Variants in CDH6 observed in about 807,000 individuals in gnomAD.
CDH6 encodes cadherin 6, also known as cadherin-6.
CDH6 carries 31 observed loss-of-function variants against 78.0 expected under a neutral mutation model. That is an observed-to-expected ratio of 0.40 (90% confidence interval 0.30 to 0.54). CDH6 has a LOEUF of 0.54. Among genes scored for constraint, CDH6 ranks in the 20% least tolerant of loss-of-function variants. CDH6 has a pLI of 0.56. For synonymous variants in CDH6, 376 were observed against 368.8 expected, an observed-to-expected ratio of 1.02 and a Z score of -0.23; for missense variants, 724 against 975.9, an observed-to-expected ratio of 0.74 and a Z score of 3.44.
chr5:31,318,111 G>A lies in CDH6; in HGVS notation c.1882+187G>A. 5.9e-6 allele frequency: 4 copies of A among 678,464 alleles called. No homozygotes were observed. In the South Asian group the frequency reaches 6.8e-5, roughly 12 times the overall value. 42.0% of individuals were successfully genotyped at this position (678,464 alleles called of 1,614,324 possible). On this transcript the variant is annotated intron_variant, in intron 11 of 11. Coordinates refer to ENST00000265071, the MANE Select transcript of CDH6 (RefSeq NM_004932.4). ...TTGCTTGCAAATGGCTTTGGAAAATGAACAGATGTGAAACTTGCTCGTGTC... is the reference window on the plus strand; with the variant it reads ...TTGCTTGCAAATGGCTTTGGAAAATAAACAGATGTGAAACTTGCTCGTGTC...
chr5:31,216,683 C>CAAAAAAAAA (rs70953498), intron 1 of CDH6, among the ~76,000 whole-genome samples: 1 of 132,654 alleles, frequency 7.5e-6, no homozygotes, highest in African/African-American at 2.8e-5. Flanking sequence ...GCCCTGCCAC[C>CAAAAAAAAA]AAAAAAAAAA....
At chr5:31,256,486 G>A (rs937155661) in intron 1 of CDH6, among the ~76,000 whole-genome samples, 14 of 152,118 alleles carry the variant, frequency 9.2e-5, no homozygotes, top group African/African-American at 3.4e-4. Flanking sequence ...GTGTAACTCC[G>A]ACTCCATGGA....
chr5:31,228,354 G>T (rs74444011), intron 1 of CDH6, among the ~76,000 whole-genome samples: 1,665 of 152,266 alleles, frequency 0.011, 37 homozygotes, highest in African/African-American at 0.038. Context: ...TATTTGGAAG[G>T]CCTTTGTTCT....
intron 2 of CDH6, among the ~76,000 whole-genome samples, chr5:31,279,600 T>A (rs2149939592): frequency 6.6e-6 from 1 of 151,862 alleles, no homozygotes; most frequent in South Asian, 2.1e-4. Flanking sequence ...TAAAAACTAA[T>A]AAGAAAATCA....
At chr5:31,308,091 A>G (rs1300469671) in intron 7 of CDH6, among the ~76,000 whole-genome samples, 2 of 152,162 alleles carry the variant, frequency 1.3e-5, no homozygotes, top group Non-Finnish European at 2.9e-5. Context: ...CCATTCATAC[A>G]TAATTTTTGA....
chr5:31,222,216 T>G (rs895314640), intron 1 of CDH6, among the ~76,000 whole-genome samples: 5 of 152,210 alleles, frequency 3.3e-5, no homozygotes, highest in Non-Finnish European at 7.3e-5. Flanking sequence ...ATGTAACTGT[T>G]AATACCTGAT....
rs572538582 is a variant in CDH6, at chr5:31,226,642, TC to T, written c.-129+32759del. 5.6e-3 allele frequency among the ~76,000 whole-genome samples: 846 copies of T among 152,260 alleles called. 3 individuals carry two copies. The highest frequency in any genetic ancestry group is 7.7e-3 in the Non-Finnish European group (525 of 68,016). On this transcript the variant is annotated intron_variant, in intron 1 of 11. Transcript: ENST00000265071. ...CAGAGTGCAGTTCTCCTACTTCTTG[TC>T]CCTTTTTGCCTCCTCTCCCAGGGTC...
intron 1 of CDH6, among the ~76,000 whole-genome samples, chr5:31,222,520 T>A (rs1336376277): frequency 1.3e-5 from 2 of 152,170 alleles, no homozygotes; most frequent in Non-Finnish European, 2.9e-5. Flanking sequence ...AATATGAAAG[T>A]GTTTTCTGCT....
In CDH6 at chr5:31,253,532, G is replaced by C. The variant is rs564705269; in HGVS notation, c.-128-13814G>C. Among the ~76,000 whole-genome samples, 95 of 152,224 alleles carry C rather than the reference G, an allele frequency of 6.2e-4. 1 individual carries two copies. In the South Asian group the frequency reaches 9.3e-3, roughly 15 times the overall value. On this transcript the variant is annotated intron_variant, in intron 1 of 11. Coordinates refer to ENST00000265071, the MANE Select transcript of CDH6 (RefSeq NM_004932.4). ...TCTTTATTAGCAGAGTGAGAACAGA[G>C]TAATACAGGACCTCTCTGGGATCTC...
chr5:31,230,252 G>A (rs937757877), intron 1 of CDH6, among the ~76,000 whole-genome samples: 2 of 152,166 alleles, frequency 1.3e-5, no homozygotes, highest in Non-Finnish European at 2.9e-5. Context: ...AACTTAACTT[G>A]CATGGGAGAA....
At chr5:31,263,618 C>T (rs1369880110) in intron 1 of CDH6, among the ~76,000 whole-genome samples, 1 of 151,928 alleles carries the variant, frequency 6.6e-6, no homozygotes, top group East Asian at 1.9e-4. Context: ...CACTCCCACT[C>T]TCATGATAAC....
chr5:31,286,963 C>T (rs536796148), intron 2 of CDH6, among the ~76,000 whole-genome samples: 1 of 152,134 alleles, frequency 6.6e-6, no homozygotes, highest in South Asian at 2.1e-4. Flanking sequence ...GGATGACTCC[C>T]TGGTGGCTTT....
At chr5:31,288,576 G>A (rs558378146) in intron 2 of CDH6, among the ~76,000 whole-genome samples, 8 of 152,196 alleles carry the variant, frequency 5.3e-5, no homozygotes, top group East Asian at 1.9e-4. Flanking sequence ...ACATCTATAC[G>A]TATACATAGA....
chr5:31,215,102 T>G (rs1740827851), intron 1 of CDH6, among the ~76,000 whole-genome samples: 1 of 152,188 alleles, frequency 6.6e-6, no homozygotes, highest in South Asian at 2.1e-4. Flanking sequence ...GTAAGCACAA[T>G]CAACTAGTTA....
intron 1 of CDH6, among the ~76,000 whole-genome samples, chr5:31,227,324 G>C (rs949804751): frequency 8.6e-5 from 13 of 152,006 alleles, no homozygotes; most frequent in Admixed American, 7.9e-4. Context: ...CTTGGGCTTT[G>C]GGATACTTTA....
At chr5:31,211,391 G>T (rs1298050474) in intron 1 of CDH6, among the ~76,000 whole-genome samples, 1 of 51,666 alleles carries the variant, frequency 1.9e-5, no homozygotes. Context: ...AGAGCTTTAA[G>T]AAACTTGAAA....
chr5:31,252,020 A>T (rs1429312213), intron 1 of CDH6, among the ~76,000 whole-genome samples: 1 of 152,166 alleles, frequency 6.6e-6, no homozygotes, highest in African/African-American at 2.4e-5. Context: ...TCAAGAAAAA[A>T]ATTCTGGGAC....
chr5:31,289,869 C>T (rs1285808943), intron 2 of CDH6, among the ~76,000 whole-genome samples: 1 of 152,078 alleles, frequency 6.6e-6, no homozygotes, highest in Non-Finnish European at 1.5e-5. Context: ...ACCACAACAC[C>T]CAGCAGGCAA....
intron 7 of CDH6, among the ~76,000 whole-genome samples, chr5:31,310,467 A>C (rs1738116325): frequency 6.6e-6 from 1 of 152,104 alleles, no homozygotes; most frequent in Non-Finnish European, 1.5e-5. Context: ...TGGATCCACC[A>C]TTCTGGGGTC....
Sources: gnomAD v4.1 joint callset for allele counts (sites outside exome capture counted in the v4.1 genomes callset) on GRCh38, gnomAD v4.1.1 for gene constraint, MANE v1.5 for transcripts, NCBI Gene and HGNC (gene_info 2026-07-23, HGNC 2026-07-21) for gene names.